Variants in COX7B2 observed in about 807,000 individuals in gnomAD.
COX7B2 encodes cytochrome c oxidase subunit 7B2, mitochondrial.
For missense variants in COX7B2, 109 were observed against 95.9 expected, an observed-to-expected ratio of 1.14 and a Z score of -0.57; for synonymous variants, 37 against 32.1, an observed-to-expected ratio of 1.15 and a Z score of -0.51.
chr4:46,798,853 G>A (rs1263950359), intron 2 of COX7B2, among the ~76,000 whole-genome samples: 4 of 152,122 alleles, frequency 2.6e-5, no homozygotes, highest in Non-Finnish European at 4.4e-5. Context: ...AAATGCCCAC[G>A]CCTGCTGCAA....
chr4:46,834,474 T>C (rs1321139612), intron 2 of COX7B2, among the ~76,000 whole-genome samples: 2 of 152,098 alleles, frequency 1.3e-5, no homozygotes, highest in Non-Finnish European at 2.9e-5. Flanking sequence ...CATTTGGAAA[T>C]TGTGTATAGG....
At chr4:46,814,645 G>A (rs979738624) in intron 2 of COX7B2, among the ~76,000 whole-genome samples, 1 of 152,186 alleles carries the variant, frequency 6.6e-6, no homozygotes, top group African/African-American at 2.4e-5. Flanking sequence ...ACGACAGTAA[G>A]TGATGATAAG....
intron 2 of COX7B2, among the ~76,000 whole-genome samples, chr4:46,793,157 G>T (rs1435320351): frequency 1.3e-5 from 2 of 152,196 alleles, no homozygotes; most frequent in Non-Finnish European, 2.9e-5. Context: ...GGGCTTATCA[G>T]AAGTTTGGAA....
chr4:46,746,831 T>A (rs1478378312), intron 2 of COX7B2, among the ~76,000 whole-genome samples: 1 of 152,208 alleles, frequency 6.6e-6, no homozygotes, highest in Non-Finnish European at 1.5e-5. Context: ...TAAACTTATT[T>A]TGTTTACTTA....
chr4:46,904,165 G>A (rs1720236600), intron 1 of COX7B2, among the ~76,000 whole-genome samples: 3 of 152,014 alleles, frequency 2.0e-5, no homozygotes, highest in South Asian at 4.2e-4. Flanking sequence ...AATCTGGGGT[G>A]AAAAAGACAT....
intron 1 of COX7B2, among the ~76,000 whole-genome samples, chr4:46,882,395 T>C (rs538842957): frequency 3.3e-5 from 5 of 152,324 alleles, no homozygotes; most frequent in African/African-American, 1.2e-4. Context: ...AGTGGGGTGT[T>C]GAAGTCTTCT....
At chr4:46,875,391 T>A (rs1196044592) in intron 1 of COX7B2, among the ~76,000 whole-genome samples, 1 of 152,184 alleles carries the variant, frequency 6.6e-6, no homozygotes, top group East Asian at 1.9e-4. Context: ...GTATTCTCAG[T>A]TGTCCCTGAA....
chr4:46,735,187 C>T lies in COX7B2; in HGVS notation c.6G>A (p.Met2Ile), dbSNP rs1286389681. The change falls in exon 3 of 3, where the codon ATG becomes ATA. Residue 2 changes from methionine to isoleucine, a missense_variant. Transcript: ENST00000355591. Reference protein sequence around the residue: MMFPLARNALSS... With the variant: MIFPLARNALSS... ...TTAGTGCATTTCTGGCCAAGGGAAA[C>T]ATCATGAAGGATTGCAGTTGCCTTC... is the stretch of plus-strand genomic sequence containing the variant. 2 of 1,613,046 alleles carry T rather than the reference C, an allele frequency of 1.2e-6. No individual in the cohort carries two copies. The highest frequency in any genetic ancestry group is 2.2e-5 in the East Asian group (1 of 44,874).
intron 2 of COX7B2, among the ~76,000 whole-genome samples, chr4:46,740,190 G>A (rs973813204): frequency 2.6e-5 from 4 of 152,038 alleles, no homozygotes; most frequent in South Asian, 2.1e-4. Flanking sequence ...TAAAGTGTTC[G>A]TTTGCAAGGG....
intron 2 of COX7B2, among the ~76,000 whole-genome samples, chr4:46,765,324 C>CG (rs57449427): frequency 0.33 from 49,850 of 151,846 alleles, 8,432 homozygotes; most frequent in South Asian, 0.47. Flanking sequence ...CCATTGCAGG[C>CG]GTAAGGAGAG....
chr4:46,872,826 A>AT (rs200432419), intron 1 of COX7B2, among the ~76,000 whole-genome samples: 2 of 151,458 alleles, frequency 1.3e-5, no homozygotes, highest in Non-Finnish European at 1.5e-5. Flanking sequence ...TTTGGTGTTA[A>AT]TTTTTTTTTA....
At chr4:46,755,489 T>A (rs1040984463) in intron 2 of COX7B2, among the ~76,000 whole-genome samples, 3 of 151,852 alleles carry the variant, frequency 2.0e-5, no homozygotes, top group Non-Finnish European at 4.4e-5. Context: ...GAGAAAAAAA[T>A]AATAGGCATT....
At chr4:46,781,775 G>C (rs1326879639) in intron 2 of COX7B2, among the ~76,000 whole-genome samples, 1 of 152,232 alleles carries the variant, frequency 6.6e-6, no homozygotes, top group Non-Finnish European at 1.5e-5. Flanking sequence ...CCCTTGGAGT[G>C]ACCAGCTGGT....
chr4:46,797,092 T>TAAAAAAAAAAAAA (rs762801656), intron 2 of COX7B2, among the ~76,000 whole-genome samples: 1 of 62,580 alleles, frequency 1.6e-5, no homozygotes. Flanking sequence ...TAGAGTATAA[T>TAAAAAAAAAAAAA]AAAAAAAAAA....
intron 1 of COX7B2, among the ~76,000 whole-genome samples, chr4:46,861,059 T>C (rs1455709296): frequency 6.6e-6 from 1 of 152,204 alleles, no homozygotes; most frequent in Non-Finnish European, 1.5e-5. Flanking sequence ...CCTTCTAAGA[T>C]TGCAGATTAG....
intron 2 of COX7B2, among the ~76,000 whole-genome samples, chr4:46,741,935 A>G (rs998703124): frequency 2.0e-5 from 3 of 152,148 alleles, no homozygotes; most frequent in Admixed American, 2.0e-4. Context: ...GAGTCAGATA[A>G]TCTCCAAGGT....
In COX7B2 at chr4:46,795,539, G is replaced by A. The variant is rs1170336033; in HGVS notation, c.-50+49421C>T. 1.5e-4 allele frequency among the ~76,000 whole-genome samples: 22 copies of A among 143,482 alleles called. No individual in the cohort carries two copies. The South Asian group carries it at 4.6e-3, about 30-fold the overall frequency. The allele number at this position is 143,482 out of a possible 152,430, so 94.1% of individuals were successfully genotyped here. ...ATTTGGCATTATTTCTGAGGGCTCT[G>A]TTCTGTTCCATTGATCTATATCTCT... On this transcript the variant is annotated intron_variant, in intron 2 of 2. Coordinates refer to ENST00000355591, the MANE Select transcript of COX7B2 (RefSeq NM_130902.3).
intron 1 of COX7B2, among the ~76,000 whole-genome samples, chr4:46,863,915 T>C (rs1717489292): frequency 6.6e-6 from 1 of 152,204 alleles, no homozygotes; most frequent in Non-Finnish European, 1.5e-5. Flanking sequence ...GCAACCTCCA[T>C]TCTCACCTGG....
At chr4:46,809,449 A>T (rs564050913) in intron 2 of COX7B2, among the ~76,000 whole-genome samples, 1 of 151,892 alleles carries the variant, frequency 6.6e-6, no homozygotes, top group South Asian at 2.1e-4. Context: ...GCTGTCTTCC[A>T]TAAGTTTTGG....
Sources: gnomAD v4.1 joint callset for allele counts (sites outside exome capture counted in the v4.1 genomes callset) on GRCh38, gnomAD v4.1.1 for gene constraint, MANE v1.5 for transcripts, NCBI Gene and HGNC (gene_info 2026-07-23, HGNC 2026-07-21) for gene names.